The following MAP2K6 variants were observed in gnomAD, a reference collection of about 807,000 sequenced individuals.
MAP2K6 encodes mitogen-activated protein kinase kinase 6.
A neutral mutation model predicts 53.7 loss-of-function variants in MAP2K6; 16 were observed. The ratio of observed to expected loss-of-function variants is 0.30; its 90% CI spans 0.20 to 0.45. The LOEUF is 0.45. Among genes scored for constraint, MAP2K6 ranks in the 20% least tolerant of loss-of-function variants. The probability of loss-of-function intolerance (pLI) is 1.00; values close to 1 mark genes in which losing one functional copy is unlikely to be tolerated. For synonymous variants in MAP2K6, 132 were observed against 143.1 expected (o/e 0.92, Z 0.55); for missense variants, 204 against 411.9 (o/e 0.50, Z 4.37).
At chr17:69,425,338 C>G (rs1367079381) in intron 1 of MAP2K6, among the ~76,000 whole-genome samples, 1 of 151,052 alleles carries the variant, frequency 6.6e-6, no homozygotes, top group African/African-American at 2.4e-5. Flanking sequence ...TCTGAGATGG[C>G]GTATAGCTCT....
rs1330198622 is a variant in MAP2K6, at chr17:69,512,328, GTTTTTTTTTTGT to G, written c.84-4516_84-4505del. ...TTCTAATCTCATTGTCTTTCTAAGT[GTTTTTTTTTTGT>G]TTTTTTTTTTTTTTTTTGAGACAGA... On this transcript the variant is annotated intron_variant, in intron 2 of 11. Transcript: ENST00000590474. Among the ~76,000 whole-genome samples, 92 of 75,218 alleles carry G rather than the reference GTTTTTTTTTTGT, an allele frequency of 1.2e-3. 4 individuals are homozygous for G. Among genetic ancestry groups the G allele is most frequent in the South Asian group, 3.1e-3 (6 of 1,924 alleles). The allele number at this position is 75,218 out of a possible 152,430, so 49.3% of individuals were successfully genotyped here.
intron 1 of MAP2K6, among the ~76,000 whole-genome samples, chr17:69,431,644 T>C (rs1365395559): frequency 6.6e-6 from 1 of 152,198 alleles, no homozygotes; most frequent in Non-Finnish European, 1.5e-5. Flanking sequence ...AGTAAGGCAT[T>C]CTCTGACTCC....
chr17:69,428,502 T>C (rs1906343478), intron 1 of MAP2K6, among the ~76,000 whole-genome samples: 2 of 152,204 alleles, frequency 1.3e-5, no homozygotes, highest in African/African-American at 4.8e-5. Flanking sequence ...ACATCATCTG[T>C]CATCAAGTAA....
intron 1 of MAP2K6, among the ~76,000 whole-genome samples, chr17:69,449,544 T>TGC (rs1907112896): frequency 1.8e-5 from 1 of 56,634 alleles, no homozygotes; most frequent in African/African-American, 4.9e-5. Flanking sequence ...TTTCTTTCTT[T>TGC]CTTTCTTTCT....
At chr17:69,535,005 A>T in intron 10 of MAP2K6, among the ~76,000 whole-genome samples, 1 of 145,018 alleles carries the variant, frequency 6.9e-6, no homozygotes, top group African/African-American at 2.6e-5. Context: ...TTAAGGCCAG[A>T]GTTGGATAGA....
Position 69,545,727 on chromosome 17 carries a change from A to G in MAP2K6, c.*3974A>G, listed in dbSNP as rs888973357. On this transcript the variant is annotated 3_prime_UTR_variant, in exon 12 of 12. Coordinates refer to ENST00000590474, the MANE Select transcript of MAP2K6 (RefSeq NM_002758.4). ...ATATATCACTATATTTCCCTTAAAA[A>G]TTTCCAGCATTGGCTGAGCATGGTG... 1 of 152,198 alleles carries G rather than the reference A, an allele frequency of 6.6e-6. No homozygotes were observed. Among genetic ancestry groups the G allele is most frequent in the Non-Finnish European group, 1.5e-5 (1 of 68,064 alleles). The allele number at this position is 152,198 out of a possible 1,614,324, so 9.4% of individuals were successfully genotyped here.
Position 69,541,842 on chromosome 17 carries a change from C to G in MAP2K6, c.*89C>G. 2 of 978,382 alleles carry G rather than the reference C, an allele frequency of 2.0e-6. No individual in the cohort carries two copies. The allele number at this position is 978,382 out of a possible 1,614,324, so 60.6% of individuals were successfully genotyped here. Reference sequence around the variant, plus strand: ...CACTACAGCATCAATAGAAAGTCATCTTTGAGATAATTTAACCCTGCCTCT... The same window carrying G: ...CACTACAGCATCAATAGAAAGTCATGTTTGAGATAATTTAACCCTGCCTCT... On this transcript the variant is annotated 3_prime_UTR_variant, in exon 12 of 12. Coordinates refer to ENST00000590474, the MANE Select transcript of MAP2K6 (RefSeq NM_002758.4).
chr17:69,516,965 T>A, intron 3 of MAP2K6, 62 bp downstream of exon 3: 1 of 1,316,876 alleles, frequency 7.6e-7, no homozygotes, highest in Non-Finnish European at 1.1e-6. Context: ...GCTTTCTGAC[T>A]GAAAAATTTA....
At chr17:69,539,935 A>G (rs1048130051) in intron 11 of MAP2K6, among the ~76,000 whole-genome samples, 1 of 152,186 alleles carries the variant, frequency 6.6e-6, no homozygotes, top group African/African-American at 2.4e-5. Context: ...CTCAGGAGGA[A>G]GGACCTGGCA....
intron 10 of MAP2K6, among the ~76,000 whole-genome samples, chr17:69,533,866 G>A (rs1228637899): frequency 6.6e-6 from 1 of 151,992 alleles, no homozygotes; most frequent in Non-Finnish European, 1.5e-5. Flanking sequence ...TGCTTCCTGG[G>A]GTTGAGGGCA....
intron 1 of MAP2K6, among the ~76,000 whole-genome samples, chr17:69,495,518 G>C (rs1471066037): frequency 1.3e-5 from 2 of 152,136 alleles, no homozygotes; most frequent in African/African-American, 4.8e-5. Flanking sequence ...TTACAGGCTT[G>C]AGCTACTGCG....
At chr17:69,423,381 G>A (rs1598254131) in intron 1 of MAP2K6, among the ~76,000 whole-genome samples, 1 of 152,146 alleles carries the variant, frequency 6.6e-6, no homozygotes, top group African/African-American at 2.4e-5. Flanking sequence ...CTCTTTGCTC[G>A]ACAGCTGTCG....
intron 11 of MAP2K6, among the ~76,000 whole-genome samples, chr17:69,539,541 C>T (rs929837791): frequency 6.6e-6 from 1 of 152,176 alleles, no homozygotes; most frequent in Non-Finnish European, 1.5e-5. Context: ...TTTTCCCCTC[C>T]CCCTGCCCTT....
At chr17:69,534,763 C>A (rs1911271196) in intron 10 of MAP2K6, among the ~76,000 whole-genome samples, 1 of 152,074 alleles carries the variant, frequency 6.6e-6, no homozygotes, top group Non-Finnish European at 1.5e-5. Flanking sequence ...CAATCAGTTA[C>A]ATTTTGATTC....
intron 10 of MAP2K6, among the ~76,000 whole-genome samples, chr17:69,526,984 G>A (rs985285431): frequency 1.3e-5 from 2 of 152,208 alleles, no homozygotes; most frequent in African/African-American, 4.8e-5. Flanking sequence ...AAGGAACTCA[G>A]AGGGAAGACC....
intron 1 of MAP2K6, chr17:69,433,347 AT>A (rs1906530495): frequency 6.6e-6 from 1 of 152,262 alleles, no homozygotes; most frequent in African/African-American, 2.4e-5. Context: ...ATCTCAGTGC[AT>A]CTTGAAGCTA....
chr17:69,482,856 A>G (rs1908397949), intron 1 of MAP2K6, among the ~76,000 whole-genome samples: 1 of 152,082 alleles, frequency 6.6e-6, no homozygotes, highest in South Asian at 2.1e-4. Context: ...GATTTTTGCC[A>G]AGCGTTCCTT....
intron 2 of MAP2K6, among the ~76,000 whole-genome samples, chr17:69,515,404 G>T (rs1910090862): frequency 6.6e-6 from 1 of 151,972 alleles, no homozygotes; most frequent in Non-Finnish European, 1.5e-5. Context: ...TGATCCGCCT[G>T]CCTCAGCCTC....
At chr17:69,516,681 C>T (rs1221152422) in intron 2 of MAP2K6, among the ~76,000 whole-genome samples, 174 bp from the exon 3 acceptor site, 2 of 152,040 alleles carry the variant, frequency 1.3e-5, no homozygotes, top group Non-Finnish European at 2.9e-5. Context: ...TGATTTAAAC[C>T]CAAATGTGAT....
Sources: gnomAD v4.1 joint callset for allele counts (sites outside exome capture counted in the v4.1 genomes callset) on GRCh38, gnomAD v4.1.1 for gene constraint, MANE v1.5 for transcripts, NCBI Gene and HGNC (gene_info 2026-07-23, HGNC 2026-07-21) for gene names.